Variants in ANXA10 observed in about 807,000 individuals in gnomAD.
ANXA10 encodes annexin 14.
In ANXA10, 49 loss-of-function variants were observed where a neutral mutation model predicts 53.5. That is an observed-to-expected ratio of 0.92 (90% CI 0.73 to 1.16). The LOEUF (loss-of-function observed/expected upper bound fraction) is 1.16, where lower values mean the gene tolerates loss of function less well. ANXA10 is among the 50% of genes most tolerant of loss of function. ANXA10 has a pLI of 0.00. For missense variants in ANXA10, 393 were observed against 394.4 expected, an observed-to-expected ratio of 1.00 and a Z score of 0.03; for synonymous variants, 131 against 128.9, an observed-to-expected ratio of 1.02 and a Z score of -0.11.
chr4:168,123,567 C>T (rs1026589065), intron 1 of ANXA10, among the ~76,000 whole-genome samples: 1 of 152,138 alleles, frequency 6.6e-6, no homozygotes, highest in Non-Finnish European at 1.5e-5. Flanking sequence ...TCAGATATCA[C>T]ATTTAGGACG....
chr4:168,137,767 A>G (rs1432150805), intron 2 of ANXA10, among the ~76,000 whole-genome samples: 5 of 152,238 alleles, frequency 3.3e-5, no homozygotes, highest in East Asian at 3.9e-4. Flanking sequence ...TATCTTTTTT[A>G]TATAATGATT....
At chr4:168,171,132 A>G (rs2149478952) in intron 6 of ANXA10, among the ~76,000 whole-genome samples, 1 of 152,306 alleles carries the variant, frequency 6.6e-6, no homozygotes, top group Admixed American at 6.5e-5. Context: ...TCTCTTGATC[A>G]TTGTCTGTGG....
chr4:168,159,584 T>G (rs925968367), intron 3 of ANXA10, among the ~76,000 whole-genome samples: 7 of 152,168 alleles, frequency 4.6e-5, no homozygotes, highest in African/African-American at 1.7e-4. Context: ...AAATCTAAAT[T>G]TTCTATTTAT....
chr4:168,128,061 T>C (rs774732670), intron 1 of ANXA10, 23 bp from the exon 2 acceptor site: 1 of 1,588,428 alleles, frequency 6.3e-7, no homozygotes, highest in Non-Finnish European at 8.6e-7. Flanking sequence ...TTACAATCAC[T>C]TTCTCATTGA....
chr4:168,149,570 T>C (rs1224693457), intron 3 of ANXA10, among the ~76,000 whole-genome samples: 2 of 152,128 alleles, frequency 1.3e-5, no homozygotes, highest in South Asian at 2.1e-4. Context: ...ATGGGTCTTG[T>C]TTTTTGTTTC....
chr4:168,134,445 C>T (rs965248597), intron 2 of ANXA10, among the ~76,000 whole-genome samples: 9 of 152,014 alleles, frequency 5.9e-5, no homozygotes, highest in East Asian at 1.9e-4. Flanking sequence ...CAATTCAGAG[C>T]GCTAGATTGT....
At chr4:168,109,481 C>T (rs955912623) in intron 1 of ANXA10, among the ~76,000 whole-genome samples, 3 of 152,022 alleles carry the variant, frequency 2.0e-5, no homozygotes, top group Non-Finnish European at 4.4e-5. Context: ...TTGATTTGGA[C>T]TTAAGTACAT....
At chr4:168,098,674 G>A (rs146463345) in intron 1 of ANXA10, among the ~76,000 whole-genome samples, 1 of 152,052 alleles carries the variant, frequency 6.6e-6, no homozygotes, top group East Asian at 1.9e-4. Flanking sequence ...TTGCTTCCTG[G>A]GGCCTATTTT....
At chr4:168,160,649 C>T (rs560947740) in intron 3 of ANXA10, among the ~76,000 whole-genome samples, 103 of 152,098 alleles carry the variant, frequency 6.8e-4, no homozygotes, top group Non-Finnish European at 9.9e-4. Context: ...CACTGTCTTC[C>T]ACAACGGTTG....
intron 3 of ANXA10, among the ~76,000 whole-genome samples, chr4:168,143,806 C>A (rs941195006): frequency 2.6e-5 from 4 of 152,176 alleles, no homozygotes; most frequent in Non-Finnish European, 5.9e-5. Context: ...GGCTGACTTG[C>A]CCAAAAGTAA....
At chr4:168,154,081 C>G (rs1176564385) in intron 3 of ANXA10, among the ~76,000 whole-genome samples, 1 of 151,916 alleles carries the variant, frequency 6.6e-6, no homozygotes, top group Non-Finnish European at 1.5e-5. Context: ...TAATCTCAGT[C>G]TACAATTCAG....
chr4:168,181,355 G>C (rs1468314334), intron 9 of ANXA10, among the ~76,000 whole-genome samples: 2 of 142,604 alleles, frequency 1.4e-5, no homozygotes, highest in South Asian at 2.2e-4. Flanking sequence ...TACGCCACTG[G>C]ACTCCAGCCT....
At chr4:168,154,133 T>G (rs918119128) in intron 3 of ANXA10, among the ~76,000 whole-genome samples, 11 of 152,154 alleles carry the variant, frequency 7.2e-5, no homozygotes, top group African/African-American at 2.4e-4. Flanking sequence ...AGAAATATGT[T>G]GTGATACATG....
chr4:168,108,164 G>C (rs758627414), intron 1 of ANXA10, among the ~76,000 whole-genome samples: 18 of 152,078 alleles, frequency 1.2e-4, no homozygotes, highest in Non-Finnish European at 1.9e-4. Flanking sequence ...AGGACGACCA[G>C]GGGTCACTCT....
At chr4:168,164,366 T>A (rs1731838852) in intron 5 of ANXA10, 78 bp downstream of exon 5, 1 of 1,075,888 alleles carries the variant, frequency 9.3e-7, no homozygotes, top group African/African-American at 1.6e-5. Flanking sequence ...AGTTTATGTA[T>A]TTTGAAGAAT....
At chr4:168,179,150 G>A (rs1732189127) in intron 8 of ANXA10, 67 bp from the exon 9 acceptor site, 1 of 979,844 alleles carries the variant, frequency 1.0e-6, no homozygotes, top group Admixed American at 2.1e-5. Context: ...TTTACTATGT[G>A]TAACAATCTA....
chr4:168,186,301 A>G lies in ANXA10; in HGVS notation c.907-1065A>G, dbSNP rs1732368894. 3.9e-5 allele frequency among the ~76,000 whole-genome samples: 6 copies of G among 152,230 alleles called. 1 individual carries two copies. The highest frequency in any genetic ancestry group is 3.9e-4 in the Admixed American group (6 of 15,286). On this transcript the variant is annotated intron_variant, in intron 11 of 11. Transcript: ENST00000359299. ...AGAAATTATAGAAGACCATTACAAG[A>G]AAATTAAAACCTCCCTAATTTTCTA...
chr4:168,152,402 A>C (rs1731513165), intron 3 of ANXA10, among the ~76,000 whole-genome samples: 1 of 152,194 alleles, frequency 6.6e-6, no homozygotes, highest in African/African-American at 2.4e-5. Flanking sequence ...AGCAAGGAGA[A>C]TTGTAGGTGA....
Position 168,154,081 on chromosome 4 carries a change from C to T in ANXA10, c.196-8447C>T, listed in dbSNP as rs1176564385. On this transcript the variant is annotated intron_variant, in intron 3 of 11. Coordinates refer to ENST00000359299, the MANE Select transcript of ANXA10 (RefSeq NM_007193.5). ...ATCTACTGGCACTACTAATCTCAGT[C>T]TACAATTCAGCATTAGTACAAAAAT... Among the ~76,000 whole-genome samples the T allele has an allele frequency of 4.6e-5, 7 of 152,034 alleles. 1 individual carries two copies. In the East Asian group the frequency reaches 1.2e-3, roughly 25 times the overall value.
Sources: allele counts gnomAD v4.1 joint callset (sites outside exome capture counted in the v4.1 genomes callset), GRCh38; gene constraint gnomAD v4.1.1; transcripts MANE v1.5; gene names NCBI Gene and HGNC (gene_info 2026-07-23, HGNC 2026-07-21).